NEK1: variants seen among roughly 807,000 people sequenced by gnomAD.
The protein encoded by NEK1 is NIMA related kinase 1.
NEK1 carries 137 observed loss-of-function variants against 182.1 expected under a neutral mutation model. The ratio of observed to expected loss-of-function variants is 0.75; its 90% CI spans 0.65 to 0.87. NEK1 has a LOEUF of 0.87. Ranked by LOEUF, NEK1 falls within the 40% of genes least tolerant of loss-of-function variation. The probability of loss-of-function intolerance (pLI) is 0.00; values close to 1 mark genes in which losing one functional copy is unlikely to be tolerated. For missense variants in NEK1, 1,391 were observed against 1,494.4 expected, an observed-to-expected ratio of 0.93 and a Z score of 1.14; for synonymous variants, 513 against 492.2, an observed-to-expected ratio of 1.04 and a Z score of -0.56.
intron 18 of NEK1, among the ~76,000 whole-genome samples, chr4:169,548,533 C>A (rs1198895024): frequency 6.6e-6 from 1 of 152,248 alleles, no homozygotes; most frequent in South Asian, 2.1e-4. Flanking sequence ...AGCTGCCAAG[C>A]AGGGATGTTT....
intron 22 of NEK1, 50 bp downstream of exon 22, chr4:169,507,665 C>A: frequency 7.3e-7 from 1 of 1,368,972 alleles, no homozygotes; most frequent in African/African-American, 1.4e-5. Context: ...AATTTGCTAT[C>A]TCAGCTTTCA....
At chr4:169,425,229 C>G (rs1470672137) in intron 30 of NEK1, among the ~76,000 whole-genome samples, 1 of 151,838 alleles carries the variant, frequency 6.6e-6, no homozygotes, top group Non-Finnish European at 1.5e-5. Flanking sequence ...GAGTTTGAAA[C>G]CAGCCTGAGC....
intron 31 of NEK1, among the ~76,000 whole-genome samples, chr4:169,422,251 A>C (rs1735608767): frequency 6.6e-6 from 1 of 152,208 alleles, no homozygotes. Flanking sequence ...TGAGACTGCA[A>C]CATAGTCAAG....
chr4:169,459,286 A>G (rs1743498421), intron 27 of NEK1, among the ~76,000 whole-genome samples: 1 of 152,216 alleles, frequency 6.6e-6, no homozygotes, highest in South Asian at 2.1e-4. Flanking sequence ...ATATGAAAAG[A>G]GGTTCAACAT....
intron 5 of NEK1, among the ~76,000 whole-genome samples, chr4:169,597,960 A>T (rs1769842319): frequency 6.6e-6 from 1 of 151,836 alleles, no homozygotes; most frequent in South Asian, 2.1e-4. Context: ...ATAAAAATAA[A>T]TAAATAATAA....
chr4:169,530,816 T>C (rs1023199797), intron 19 of NEK1, among the ~76,000 whole-genome samples: 4 of 151,138 alleles, frequency 2.6e-5, no homozygotes, highest in African/African-American at 4.9e-5. Flanking sequence ...AATTTATACA[T>C]GTGTTAAAAT....
intron 12 of NEK1, among the ~76,000 whole-genome samples, chr4:169,565,211 G>T (rs1413534975): frequency 6.6e-6 from 1 of 151,976 alleles, no homozygotes; most frequent in African/African-American, 2.4e-5. Context: ...TTTTCTAAAG[G>T]CGACCCACAA....
At chr4:169,505,130 C>A (rs1267526381) in intron 23 of NEK1, among the ~76,000 whole-genome samples, 1 of 151,982 alleles carries the variant, frequency 6.6e-6, no homozygotes, top group Non-Finnish European at 1.5e-5. Flanking sequence ...AATCTTTGTT[C>A]TGCCCTTAGT....
intron 27 of NEK1, among the ~76,000 whole-genome samples, chr4:169,452,730 A>G (rs564292421): frequency 1.3e-5 from 2 of 152,348 alleles, no homozygotes; most frequent in African/African-American, 4.8e-5. Flanking sequence ...AAAAACTGGA[A>G]GCATTCCCTT....
intron 23 of NEK1, among the ~76,000 whole-genome samples, chr4:169,505,887 A>G (rs1283779435): frequency 6.6e-6 from 1 of 152,198 alleles, no homozygotes; most frequent in Admixed American, 6.5e-5. Flanking sequence ...GGAATTATAA[A>G]CTATCTAGAA....
At chr4:169,582,396 G>A (rs1247368892) in intron 10 of NEK1, among the ~76,000 whole-genome samples, 1 of 152,084 alleles carries the variant, frequency 6.6e-6, no homozygotes, top group Non-Finnish European at 1.5e-5. Context: ...AGACTGTTGT[G>A]GTGAGACTCA....
rs56077602 is a variant in NEK1, at chr4:169,401,824, C to T, written c.3411G>A (p.Leu1137=). 1.9e-3 allele frequency: 3,079 copies of T among 1,613,160 alleles called. 10 individuals carry two copies. The highest frequency in any genetic ancestry group is 0.015 in the Middle Eastern group (89 of 6,058). ...TAAGTAACTGTTCCATCGAGGCCTG[C>T]AGCTCTTGTAAATCTGTGTCAGTTT... ...FEETDTDLQE[L]QASMEQLLRE... The change falls in exon 33 of 36, where the codon CTG becomes CTA. Residue 1137 remains leucine, a synonymous_variant. Coordinates refer to ENST00000507142, the MANE Select transcript of NEK1 (RefSeq NM_001199397.3).
At chr4:169,606,499 T>C (rs369616023) in intron 2 of NEK1, among the ~76,000 whole-genome samples, 1 of 152,042 alleles carries the variant, frequency 6.6e-6, no homozygotes, top group African/African-American at 2.4e-5. Context: ...AGCTCAATAA[T>C]TGGAAGTACT....
At chr4:169,605,010 T>C (rs1220317863) in intron 2 of NEK1, among the ~76,000 whole-genome samples, 3 of 151,946 alleles carry the variant, frequency 2.0e-5, no homozygotes, top group African/African-American at 7.3e-5. Context: ...GAATGTTTAA[T>C]ATATTACATT....
chr4:169,414,071 G>A (rs1036735179), intron 31 of NEK1, among the ~76,000 whole-genome samples: 3 of 152,114 alleles, frequency 2.0e-5, no homozygotes, highest in Non-Finnish European at 2.9e-5. Flanking sequence ...TATATGTCAA[G>A]CAGCTAGAAC....
intron 19 of NEK1, among the ~76,000 whole-genome samples, chr4:169,523,022 T>C (rs1330425809): frequency 6.6e-6 from 1 of 152,218 alleles, no homozygotes; most frequent in Non-Finnish European, 1.5e-5. Flanking sequence ...CTGGCATTTA[T>C]AATCCAATTA....
intron 9 of NEK1, among the ~76,000 whole-genome samples, chr4:169,586,879 C>A (rs377293803): frequency 6.6e-6 from 1 of 151,876 alleles, no homozygotes; most frequent in Non-Finnish European, 1.5e-5. Context: ...TTTCATTTTA[C>A]AGGTAGTCAA....
rs116826684 is a variant in NEK1, at chr4:169,471,897, C to T, written c.2434+5227G>A. Among the ~76,000 whole-genome samples the T allele has an allele frequency of 8.2e-3, 1,249 of 152,252 alleles. 13 individuals are homozygous for T. Among genetic ancestry groups the T allele is most frequent in the African/African-American group, 0.028 (1,181 of 41,544 alleles). Reference sequence around the variant, plus strand: ...CTTTGCCATGCTGTGTTGGGTTCTGCACCCAGTTCAAACTTTCTGTCAGCT... The same window carrying T: ...CTTTGCCATGCTGTGTTGGGTTCTGTACCCAGTTCAAACTTTCTGTCAGCT... On this transcript the variant is annotated intron_variant, in intron 26 of 35. Coordinates refer to ENST00000507142, the MANE Select transcript of NEK1 (RefSeq NM_001199397.3).
chr4:169,495,390 C>T (rs1196980435), intron 23 of NEK1, among the ~76,000 whole-genome samples: 6 of 151,830 alleles, frequency 4.0e-5, no homozygotes, highest in African/African-American at 7.3e-5. Flanking sequence ...ACTACAGGCG[C>T]GCGCCACCAT....
Sources: gnomAD v4.1 joint callset for allele counts (sites outside exome capture counted in the v4.1 genomes callset) on GRCh38, gnomAD v4.1.1 for gene constraint, MANE v1.5 for transcripts, NCBI Gene and HGNC (gene_info 2026-07-23, HGNC 2026-07-21) for gene names.